The following DDAH1 variants were observed in gnomAD, a reference collection of about 807,000 sequenced individuals.
DDAH1 encodes N(G),N(G)-dimethylarginine dimethylaminohydrolase 1.
A neutral mutation model predicts 28.8 loss-of-function variants in DDAH1; 19 were observed. The ratio of observed to expected loss-of-function variants is 0.66; its 90% CI spans 0.46 to 0.97. The LOEUF (loss-of-function observed/expected upper bound fraction) is 0.97, where lower values mean the gene tolerates loss of function less well. Ranked by LOEUF, DDAH1 falls within the 50% of genes least tolerant of loss-of-function variation. The pLI, the probability that DDAH1 is intolerant of heterozygous loss-of-function variation, is 0.00. For missense variants in DDAH1, 326 were observed against 375.9 expected, an observed-to-expected ratio of 0.87 and a Z score of 1.10; for synonymous variants, 153 against 154.4, an observed-to-expected ratio of 0.99 and a Z score of 0.07.
At chr1:85,523,055 G>A (rs1657744155) in intron 1 of DDAH1, among the ~76,000 whole-genome samples, 1 of 151,102 alleles carries the variant, frequency 6.6e-6, no homozygotes, top group Admixed American at 6.6e-5. Context: ...AGCTGTTGGG[G>A]GTGGGATGCA....
At chr1:85,331,305 T>TG (rs1647746174) in intron 4 of DDAH1, among the ~76,000 whole-genome samples, 1 of 152,158 alleles carries the variant, frequency 6.6e-6, no homozygotes, top group African/African-American at 2.4e-5. Flanking sequence ...CATGGAACAA[T>TG]TTAGAACTTA....
In DDAH1 at chr1:85,384,747, AAAC is replaced by A. The variant is rs1187231329; in HGVS notation, c.304-25903_304-25901del. On this transcript the variant is annotated intron_variant, in intron 1 of 5. Transcript: ENST00000284031. ...CTCAAATGAAAATTTTTTCTCATTTAAACAATGAGGAACAACATTTCTCCCCTT... is the reference window on the plus strand; with the variant it reads ...CTCAAATGAAAATTTTTTCTCATTTAAATGAGGAACAACATTTCTCCCCTT... Among the ~76,000 whole-genome samples the A allele has an allele frequency of 2.6e-5, 4 of 152,232 alleles. No individual in the cohort carries two copies. In the East Asian group the frequency reaches 7.7e-4, roughly 29 times the overall value.
At chr1:85,415,623 A>T (rs1652856624) in intron 1 of DDAH1, among the ~76,000 whole-genome samples, 2 of 152,210 alleles carry the variant, frequency 1.3e-5, no homozygotes, top group African/African-American at 4.8e-5. Context: ...AAAAAGTATG[A>T]TTCTATTTAT....
chr1:85,536,062 AC>A (rs1344287037), intron 1 of DDAH1, among the ~76,000 whole-genome samples: 19 of 151,686 alleles, frequency 1.3e-4, no homozygotes, highest in African/African-American at 4.1e-4. Flanking sequence ...GGAGTTTGAG[AC>A]CAGCCTGGGC....
chr1:85,451,257 G>A lies in DDAH1; in HGVS notation c.303+13486C>T, dbSNP rs79366072. On this transcript the variant is annotated intron_variant, in intron 1 of 5. Transcript: ENST00000284031. ...ACAGCCCAATGGATGGAGGTCTCCA[G>A]TTTCCAGGAAGAGAAGATAGCAGGA... is the stretch of plus-strand genomic sequence containing the variant. Among the ~76,000 whole-genome samples the A allele has an allele frequency of 1.0e-3, 156 of 152,296 alleles. 1 individual carries two copies. The highest frequency in any genetic ancestry group is 3.4e-3 in the African/African-American group (143 of 41,574).
intron 4 of DDAH1, among the ~76,000 whole-genome samples, chr1:85,331,659 T>C (rs1647775018): frequency 6.6e-6 from 1 of 152,180 alleles, no homozygotes; most frequent in South Asian, 2.1e-4. Flanking sequence ...CCAATATAGC[T>C]ATGGATAACA....
At chr1:85,468,169 A>C (rs1486704937), upstream of DDAH1, among the ~76,000 whole-genome samples, 1 of 152,250 alleles carries the variant, frequency 6.6e-6, no homozygotes, top group Non-Finnish European at 1.5e-5. Flanking sequence ...ATATAATGGC[A>C]CAAAATTGAC....
At chr1:85,478,580 A>G (rs941694978) in intron 2 of DDAH1, among the ~76,000 whole-genome samples, 4 of 152,216 alleles carry the variant, frequency 2.6e-5, no homozygotes, top group Non-Finnish European at 5.9e-5. Flanking sequence ...ACCCACCCCC[A>G]TGATTCAATA....
At chr1:85,411,730 G>A (rs1256504675) in intron 1 of DDAH1, among the ~76,000 whole-genome samples, 10 of 152,212 alleles carry the variant, frequency 6.6e-5, no homozygotes, top group Admixed American at 5.2e-4. Context: ...GAAGGTAAAC[G>A]CTGTGTTTCA....
intron 4 of DDAH1, among the ~76,000 whole-genome samples, chr1:85,331,592 TATTGA>T (rs1318595586): frequency 6.6e-6 from 1 of 152,180 alleles, no homozygotes; most frequent in African/African-American, 2.4e-5. Flanking sequence ...ATCAAGAGTG[TATTGA>T]GAGCCTGACA....
At chr1:85,391,588 C>T (rs1651553691) in intron 1 of DDAH1, among the ~76,000 whole-genome samples, 1 of 152,126 alleles carries the variant, frequency 6.6e-6, no homozygotes, top group Non-Finnish European at 1.5e-5. Context: ...TAGAGAAGCC[C>T]CAAAATGGGT....
intron 1 of DDAH1, among the ~76,000 whole-genome samples, chr1:85,379,317 C>T (rs1650855969): frequency 6.6e-6 from 1 of 152,148 alleles, no homozygotes; most frequent in African/African-American, 2.4e-5. Context: ...GCATCGGCCT[C>T]CCACTAAATG....
intron 1 of DDAH1, among the ~76,000 whole-genome samples, chr1:85,402,414 T>G (rs1258215281): frequency 6.6e-6 from 1 of 152,210 alleles, no homozygotes; most frequent in Non-Finnish European, 1.5e-5. Flanking sequence ...ATAAGGCTAC[T>G]TGTCAAACTA....
At chr1:85,508,981 G>A (rs991508330) in intron 1 of DDAH1, among the ~76,000 whole-genome samples, 4 of 152,248 alleles carry the variant, frequency 2.6e-5, no homozygotes, top group African/African-American at 9.6e-5. Flanking sequence ...CTCCCAGCCA[G>A]GCGTTTGAGC....
chr1:85,359,467 C>T (rs373082580), intron 1 of DDAH1, among the ~76,000 whole-genome samples: 4 of 152,208 alleles, frequency 2.6e-5, no homozygotes, highest in East Asian at 1.9e-4. Flanking sequence ...CTACCCTTGC[C>T]AGGAAATACA....
chr1:85,432,139 T>C (rs946459443), intron 1 of DDAH1, among the ~76,000 whole-genome samples: 3 of 152,242 alleles, frequency 2.0e-5, no homozygotes, highest in African/African-American at 7.2e-5. Flanking sequence ...CATGTCCTTC[T>C]GTGCCTCTCC....
intron 1 of DDAH1, among the ~76,000 whole-genome samples, chr1:85,406,289 A>G (rs1030789149): frequency 1.1e-4 from 17 of 152,242 alleles, no homozygotes; most frequent in African/African-American, 4.1e-4. Context: ...TAAGAAACAC[A>G]GAAGAGAAGC....
chr1:85,449,994 A>G (rs1408772054), intron 1 of DDAH1, among the ~76,000 whole-genome samples: 1 of 152,200 alleles, frequency 6.6e-6, no homozygotes, highest in Admixed American at 6.5e-5. Flanking sequence ...GAGCAACAGC[A>G]TGGGTAATCC....
chr1:85,323,942 C>T (rs942687882), intron 5 of DDAH1, among the ~76,000 whole-genome samples: 1 of 141,240 alleles, frequency 7.1e-6, no homozygotes, highest in African/African-American at 2.7e-5. Flanking sequence ...GCACTCCAGA[C>T]TTGGCAACAG....
Sources: gnomAD v4.1 joint callset for allele counts (sites outside exome capture counted in the v4.1 genomes callset) on GRCh38, gnomAD v4.1.1 for gene constraint, MANE v1.5 for transcripts, NCBI Gene and HGNC (gene_info 2026-07-23, HGNC 2026-07-21) for gene names.